Variants in TFG observed in about 807,000 individuals in gnomAD.
TFG encodes protein TFG.
A neutral mutation model predicts 51.4 loss-of-function variants in TFG; 22 were observed. The ratio of observed to expected loss-of-function variants is 0.43; its 90% CI spans 0.31 to 0.61. TFG has a LOEUF of 0.61. Ranked by LOEUF, TFG falls within the 20% of genes least tolerant of loss-of-function variation. The probability of loss-of-function intolerance (pLI) is 0.12; values close to 1 mark genes in which losing one functional copy is unlikely to be tolerated. For synonymous variants in TFG, 187 were observed against 165.6 expected (o/e 1.13, Z -0.99); for missense variants, 419 against 487.7 (o/e 0.86, Z 1.33).
At chr3:100,724,613 G>A (rs1164492456) in intron 3 of TFG, among the ~76,000 whole-genome samples, 1 of 151,960 alleles carries the variant, frequency 6.6e-6, no homozygotes, top group Non-Finnish European at 1.5e-5. Context: ...CATTTTGTGG[G>A]GTTAATATAA....
rs769902536 is a variant in TFG, at chr3:100,723,831, G to GT, written c.268+3786dup. On this transcript the variant is annotated intron_variant, in intron 3 of 7. Coordinates refer to ENST00000240851, the MANE Select transcript of TFG (RefSeq NM_006070.6). ...CATCTAGCAGTTAGGGAGAAATACA[G>GT]TTTTTTTTTTTTTCGAGTACTCATA... Among the ~76,000 whole-genome samples the GT allele has an allele frequency of 8.4e-3, 1,205 of 143,884 alleles. 9 individuals are homozygous for GT. The highest frequency in any genetic ancestry group is 0.019 in the African/African-American group (737 of 39,620). 94.4% of individuals were successfully genotyped at this position (143,884 alleles called of 152,430 possible). A position where few individuals can be genotyped will look rare whatever the true frequency, so the allele number is the denominator to read the frequency against.
intron 3 of TFG, among the ~76,000 whole-genome samples, chr3:100,725,622 C>CAAAAAAAAAAAAAAAAAAA (rs763163559): frequency 1.2e-5 from 1 of 83,490 alleles, no homozygotes; most frequent in Non-Finnish European, 2.3e-5. Flanking sequence ...ACCAAAAATA[C>CAAAAAAAAAAAAAAAAAAA]AAAAAAAAAA....
chr3:100,726,424 C>T (rs1291069298), intron 3 of TFG, among the ~76,000 whole-genome samples: 1 of 152,214 alleles, frequency 6.6e-6, no homozygotes, highest in Admixed American at 6.5e-5. Flanking sequence ...CTCACAGACA[C>T]ACCCAGAAAC....
rs577602832 is a variant in TFG at position 100,748,076 on chromosome 3, C to T, written c.821-73C>T. The T allele has an allele frequency of 1.7e-5, 25 of 1,476,436 alleles. No homozygotes were observed. In the Admixed American group the frequency reaches 3.6e-4, roughly 21 times the overall value. 91.5% of individuals were successfully genotyped at this position (1,476,436 alleles called of 1,614,324 possible). A position where few individuals can be genotyped will look rare whatever the true frequency, so the allele number is the denominator to read the frequency against. On this transcript the variant is annotated intron_variant, in intron 7 of 7. Coordinates refer to ENST00000240851, the MANE Select transcript of TFG (RefSeq NM_006070.6). ...TTCTCACCATTTTTGGTCCACCTAACAGTAAGACTAATTCTTTGGAAAAGT... is the reference window on the plus strand; with the variant it reads ...TTCTCACCATTTTTGGTCCACCTAATAGTAAGACTAATTCTTTGGAAAAGT...
At chr3:100,719,944 A>G in intron 2 of TFG, 31 bp from the exon 3 acceptor site, 3 of 1,426,102 alleles carry the variant, frequency 2.1e-6, no homozygotes, top group Non-Finnish European at 2.9e-6. Context: ...TAAAAAATTA[A>G]AAAACAACCT....
In TFG at chr3:100,728,930, TAA is replaced by T; in HGVS notation, c.415+73_415+74del. Reference sequence around the variant, plus strand: ...TTTGGAGGTTTTAAAAAACTCTTTTTAAGTAGGAGAAGGATGGCATCCCCAAT... The same window carrying T: ...TTTGGAGGTTTTAAAAAACTCTTTTTGTAGGAGAAGGATGGCATCCCCAAT... On this transcript the variant is annotated intron_variant, in intron 4 of 7. Transcript: ENST00000240851. 3 of 1,368,246 alleles carry T rather than the reference TAA, an allele frequency of 2.2e-6. No homozygotes were observed. The African/African-American group carries it at 4.5e-5, about 20-fold the overall frequency. The allele number at this position is 1,368,246 out of a possible 1,614,324, so 84.8% of individuals were successfully genotyped here.
intron 5 of TFG, among the ~76,000 whole-genome samples, chr3:100,734,277 T>C (rs948894183): frequency 2.0e-4 from 30 of 152,360 alleles, no homozygotes; most frequent in African/African-American, 6.3e-4. Flanking sequence ...CTGATATGTA[T>C]GCTCAGTCCT....
chr3:100,742,694 A>G (rs541983665), intron 6 of TFG: 28 of 152,324 alleles, frequency 1.8e-4, no homozygotes, highest in African/African-American at 6.7e-4. Context: ...TGCAGACTCT[A>G]CACAGAACAG....
intron 5 of TFG, among the ~76,000 whole-genome samples, chr3:100,736,059 T>TC: frequency 6.6e-6 from 1 of 152,202 alleles, no homozygotes; most frequent in East Asian, 1.9e-4. Context: ...ATATATGGGA[T>TC]CTAGTGGGAG....
At chr3:100,709,445 CA>C (rs2095022581), upstream of TFG, 1 of 152,576 alleles carries the variant, frequency 6.6e-6, no homozygotes, top group African/African-American at 2.4e-5. Context: ...TGTCCACGCG[CA>C]ATAAGGAGGG....
rs1411644402 is a variant in TFG at position 100,748,765 on chromosome 3, C to CTCTT, written c.*235_*238dup. Reference sequence around the variant, plus strand: ...GCTTCTTAGTTACTTTGGAACACTACTCTTACATGTATAAAGTGATTGACT... The same window carrying CTCTT: ...GCTTCTTAGTTACTTTGGAACACTACTCTTTCTTACATGTATAAAGTGATTGACT... On this transcript the variant is annotated 3_prime_UTR_variant, in exon 8 of 8. Transcript: ENST00000240851. 1.0e-5 allele frequency: 5 copies of CTCTT among 497,660 alleles called. No homozygotes were observed. Among genetic ancestry groups the CTCTT allele is most frequent in the African/African-American group, 9.6e-5 (5 of 51,846 alleles). The allele number at this position is 497,660 out of a possible 1,614,324, so 30.8% of individuals were successfully genotyped here.
rs2095156901 is a variant in TFG at position 100,748,516 on chromosome 3, A to G, written c.1188A>G (p.Gly396=). The change falls in exon 8 of 8, where the codon GGA becomes GGG. Residue 396 remains glycine, a synonymous_variant. Coordinates refer to ENST00000240851, the MANE Select transcript of TFG (RefSeq NM_006070.6). The part of the protein sequence containing the change: ...PPFGQGYTQP[G]PGYR ...TTGGTCAGGGCTATACCCAACCTGG[A>G]CCTGGTTATCGATAAGGAGGCTCCT... is the stretch of plus-strand genomic sequence containing the variant. 6.2e-7 allele frequency: 1 copy of G among 1,611,280 alleles called. No homozygotes were observed. The highest frequency in any genetic ancestry group is 1.3e-5 in the African/African-American group (1 of 74,844).
At chr3:100,732,141 T>G (rs2149082209) in intron 4 of TFG, among the ~76,000 whole-genome samples, 1 of 152,186 alleles carries the variant, frequency 6.6e-6, no homozygotes, top group East Asian at 1.9e-4. Flanking sequence ...ATTTCCAGAG[T>G]GCCCAGTGGG....
intron 5 of TFG, among the ~76,000 whole-genome samples, chr3:100,734,341 G>C (rs72928632): frequency 0.03 from 4,523 of 151,978 alleles, 185 homozygotes; most frequent in African/African-American, 0.092. Flanking sequence ...AGATATCCTC[G>C]TCTGCTCTCC....
chr3:100,725,672 G>T (rs113630353), intron 3 of TFG, among the ~76,000 whole-genome samples: 4,432 of 84,896 alleles, frequency 0.052, 184 homozygotes, highest in African/African-American at 0.14. Flanking sequence ...GTGCGTGCCT[G>T]TAATCCAGCC....
At chr3:100,743,967 C>T (rs1033375990) in intron 6 of TFG, 10 of 152,030 alleles carry the variant, frequency 6.6e-5, no homozygotes, top group Admixed American at 2.0e-4. Context: ...CTAGATATTA[C>T]ATCTAGCTAA....
chr3:100,745,789 A>G (rs752850223), intron 7 of TFG, among the ~76,000 whole-genome samples: 3 of 152,190 alleles, frequency 2.0e-5, no homozygotes, highest in Non-Finnish European at 2.9e-5. Context: ...AATCTGGACT[A>G]TTGCCTGTTT....
intron 4 of TFG, among the ~76,000 whole-genome samples, chr3:100,730,676 A>G (rs1344638567): frequency 3.9e-5 from 6 of 152,142 alleles, no homozygotes; most frequent in South Asian, 4.1e-4. Flanking sequence ...AAATGTGGCC[A>G]CCTGTGGTCT....
intron 4 of TFG, among the ~76,000 whole-genome samples, chr3:100,730,846 G>T (rs2095089636): frequency 6.6e-6 from 1 of 152,210 alleles, no homozygotes; most frequent in Admixed American, 6.5e-5. Flanking sequence ...GTTTTAGTTT[G>T]TGATAAGTGA....
Sources: allele counts gnomAD v4.1 joint callset (sites outside exome capture counted in the v4.1 genomes callset), GRCh38; gene constraint gnomAD v4.1.1; transcripts MANE v1.5; gene names NCBI Gene and HGNC (gene_info 2026-07-23, HGNC 2026-07-21).